The following GIPC2 variants were observed in gnomAD, a reference collection of about 807,000 sequenced individuals.
GIPC2 encodes the protein PDZ domain-containing protein GIPC2.
A neutral mutation model predicts 30.6 loss-of-function variants in GIPC2; 30 were observed. That is an observed-to-expected ratio of 0.98 (90% CI 0.73 to 1.33). GIPC2 has a LOEUF of 1.33. Ranked by LOEUF, GIPC2 falls within the 40% of genes most tolerant of loss-of-function variation. The pLI is 0.00. For synonymous variants in GIPC2, 167 were observed against 150.0 expected, an observed-to-expected ratio of 1.11 and a Z score of -0.83; for missense variants, 414 against 390.3, an observed-to-expected ratio of 1.06 and a Z score of -0.51.
chr1:78,136,552 T>C lies in GIPC2; in HGVS notation c.*809T>C, dbSNP rs1313026037. ...TATAAGCACTCCAGGGAAGATTTTA[T>C]ATTTTTTTGTAGAGTTTTTGGAAAG... On this transcript the variant is annotated 3_prime_UTR_variant, in exon 6 of 6. Transcript: ENST00000370759. 6.6e-6 allele frequency: 1 copy of C among 151,908 alleles called. No individual in the cohort carries two copies. Among genetic ancestry groups the C allele is most frequent in the Non-Finnish European group, 1.5e-5 (1 of 67,950 alleles). The allele number at this position is 151,908 out of a possible 1,614,324, so 9.4% of individuals were successfully genotyped here. A position where few individuals can be genotyped will look rare whatever the true frequency, so the allele number is the denominator to read the frequency against.
At chr1:78,071,124 A>G (rs1001859734) in intron 1 of GIPC2, among the ~76,000 whole-genome samples, 1 of 152,196 alleles carries the variant, frequency 6.6e-6, no homozygotes, top group African/African-American at 2.4e-5. Flanking sequence ...AAGGCACTGT[A>G]TATATATAAT....
At chr1:78,091,765 A>T (rs1225129913) in intron 2 of GIPC2, 2 of 776,414 alleles carry the variant, frequency 2.6e-6, no homozygotes, top group African/African-American at 3.4e-5. Flanking sequence ...ACAAAGTAGC[A>T]CAGAAGAGGG....
intron 5 of GIPC2, among the ~76,000 whole-genome samples, chr1:78,127,909 T>C (rs1241322781): frequency 6.6e-6 from 1 of 152,196 alleles, no homozygotes; most frequent in Admixed American, 6.5e-5. Flanking sequence ...GGTCTTGCTA[T>C]GTTGCTCAGG....
Position 78,061,769 on chromosome 1 carries a change from A to G in GIPC2, c.240+15435A>G, listed in dbSNP as rs568062780. 1.7e-3 allele frequency among the ~76,000 whole-genome samples: 254 copies of G among 151,982 alleles called. 2 individuals carry two copies. The highest frequency in any genetic ancestry group is 5.9e-3 in the African/African-American group (246 of 41,536). Reference sequence around the variant, plus strand: ...GGAGCTGGGATTATAGGCGCACACCACCATGCCCGGCTAATTTTTGTATTT... The same window carrying G: ...GGAGCTGGGATTATAGGCGCACACCGCCATGCCCGGCTAATTTTTGTATTT... On this transcript the variant is annotated intron_variant, in intron 1 of 5. Transcript: ENST00000370759.
rs192064206 is a variant in GIPC2 at position 78,083,046 on chromosome 1, A to G, written c.426+2186A>G. ...TAACTACAGTACAATTATGAAATTC[A>G]TACAGTCTAATATTGATATAATACT... On this transcript the variant is annotated intron_variant, in intron 2 of 5. Transcript: ENST00000370759. 1.3e-5 allele frequency among the ~76,000 whole-genome samples: 2 copies of G among 152,314 alleles called. 1 individual carries two copies. The highest frequency in any genetic ancestry group is 1.3e-4 in the Admixed American group (2 of 15,300).
chr1:78,110,899 T>C (rs947029481), intron 3 of GIPC2, among the ~76,000 whole-genome samples: 3 of 152,182 alleles, frequency 2.0e-5, no homozygotes, highest in Admixed American at 2.0e-4. Flanking sequence ...TGGTGAGATC[T>C]GTTCTTTGTG....
At chr1:78,078,199 A>C (rs1021376044) in intron 1 of GIPC2, among the ~76,000 whole-genome samples, 6 of 151,392 alleles carry the variant, frequency 4.0e-5, no homozygotes, top group African/African-American at 9.7e-5. Context: ...AAAAAAAAAA[A>C]AAAAAAAAAA....
chr1:78,055,544 C>A (rs1207891414), intron 1 of GIPC2, among the ~76,000 whole-genome samples: 2 of 152,064 alleles, frequency 1.3e-5, no homozygotes, highest in African/African-American at 2.4e-5. Flanking sequence ...TCTCTCTCTC[C>A]CTGCTTATTC....
At chr1:78,109,246 C>G (rs763773726) in intron 3 of GIPC2, among the ~76,000 whole-genome samples, 1 of 152,184 alleles carries the variant, frequency 6.6e-6, no homozygotes, top group African/African-American at 2.4e-5. Context: ...ACATGCTTGC[C>G]TCTGAAACAA....
chr1:78,045,171 A>ACT, upstream of GIPC2: 1 of 661,300 alleles, frequency 1.5e-6, no homozygotes, highest in Non-Finnish European at 1.9e-6. Flanking sequence ...CTGAAATTGC[A>ACT]TAGTAAGTGA....
At chr1:78,051,549 G>T (rs1166652235) in intron 1 of GIPC2, among the ~76,000 whole-genome samples, 1 of 152,156 alleles carries the variant, frequency 6.6e-6, no homozygotes, top group African/African-American at 2.4e-5. Flanking sequence ...TGCCAGGCTG[G>T]AGTGCAGTGG....
chr1:78,103,342 A>C (rs1431052841), intron 3 of GIPC2, among the ~76,000 whole-genome samples: 1 of 152,216 alleles, frequency 6.6e-6, no homozygotes, highest in African/African-American at 2.4e-5. Context: ...TGCTGCTTTT[A>C]AACTGTGTGA....
chr1:78,131,572 C>T (rs954411351), intron 5 of GIPC2, among the ~76,000 whole-genome samples: 4 of 152,120 alleles, frequency 2.6e-5, no homozygotes, highest in African/African-American at 9.7e-5. Context: ...TGAAAATAAT[C>T]TTAGTGGCTA....
At chr1:78,117,554 A>T (rs1468429891) in intron 3 of GIPC2, among the ~76,000 whole-genome samples, 1 of 152,192 alleles carries the variant, frequency 6.6e-6, no homozygotes, top group East Asian at 1.9e-4. Flanking sequence ...TTTCTGTGAG[A>T]ATCTCATGCC....
intron 1 of GIPC2, among the ~76,000 whole-genome samples, chr1:78,050,684 G>C (rs1161447343): frequency 5.3e-5 from 8 of 151,338 alleles, no homozygotes; most frequent in Admixed American, 5.3e-4. Context: ...GCCCAGGCTG[G>C]AGTGCAGTGG....
chr1:78,125,835 A>C, intron 4 of GIPC2, 46 bp from the exon 5 acceptor site: 8 of 1,036,450 alleles, frequency 7.7e-6, no homozygotes, highest in South Asian at 1.3e-5. Context: ...CTGACAATCA[A>C]GAGATTTTGT....
At chr1:78,133,606 C>T (rs962124625) in intron 5 of GIPC2, among the ~76,000 whole-genome samples, 1 of 151,894 alleles carries the variant, frequency 6.6e-6, no homozygotes, top group African/African-American at 2.4e-5. Context: ...CAGAAAGCAG[C>T]GAAGATAGCA....
chr1:78,096,470 G>T (rs1662138755), intron 3 of GIPC2, among the ~76,000 whole-genome samples: 1 of 148,788 alleles, frequency 6.7e-6, no homozygotes, highest in African/African-American at 2.5e-5. Flanking sequence ...TACATAATCT[G>T]TTTCCAGAGT....
intron 4 of GIPC2, among the ~76,000 whole-genome samples, chr1:78,120,872 G>T (rs111773700): frequency 0.024 from 3,625 of 152,134 alleles, 46 homozygotes; most frequent in Middle Eastern, 0.075. Flanking sequence ...ATTTGGGTGG[G>T]GACACAGCCA....
Sources: allele counts gnomAD v4.1 joint callset (sites outside exome capture counted in the v4.1 genomes callset), GRCh38; gene constraint gnomAD v4.1.1; transcripts MANE v1.5; gene names NCBI Gene and HGNC (gene_info 2026-07-23, HGNC 2026-07-21).